Variants in SH3D19 observed in about 807,000 individuals in gnomAD.
The protein encoded by SH3D19 is SH3 domain containing 19.
A neutral mutation model predicts 112.1 loss-of-function variants in SH3D19; 58 were observed. That is an observed-to-expected ratio of 0.52 (90% confidence interval 0.42 to 0.64). SH3D19 has a LOEUF of 0.64. SH3D19 is among the 30% of genes least tolerant of loss of function. The pLI is 0.00. For synonymous variants in SH3D19, 391 were observed against 448.5 expected (o/e 0.87, Z 1.62); for missense variants, 1,090 against 1,263.4 (o/e 0.86, Z 2.08).
intron 1 of SH3D19, among the ~76,000 whole-genome samples, chr4:151,293,306 T>TA (rs1775480492): frequency 6.8e-6 from 1 of 146,366 alleles, no homozygotes. Context: ...CCGTCTCTAC[T>TA]AAAAATACAA....
chr4:151,302,192 G>C (rs555588631), intron 1 of SH3D19, among the ~76,000 whole-genome samples: 1 of 152,272 alleles, frequency 6.6e-6, no homozygotes, highest in South Asian at 2.1e-4. Context: ...TACATGCTTT[G>C]CTATCTTTTT....
chr4:151,198,399 CATATATT>C (rs1290102350), intron 2 of SH3D19, among the ~76,000 whole-genome samples: 8 of 132,560 alleles, frequency 6.0e-5, no homozygotes, highest in African/African-American at 1.7e-4. Context: ...TAATATATAT[CATATATT>C]ATATATTATA....
At chr4:151,230,593 G>A (rs1769532758) in intron 1 of SH3D19, among the ~76,000 whole-genome samples, 1 of 150,526 alleles carries the variant, frequency 6.6e-6, no homozygotes, top group Non-Finnish European at 1.5e-5. Context: ...GGTTTAAAGT[G>A]AGTCTTTTTT....
At chr4:151,147,212 A>C (rs1261718742) in intron 11 of SH3D19, among the ~76,000 whole-genome samples, 1 of 152,228 alleles carries the variant, frequency 6.6e-6, no homozygotes, top group Non-Finnish European at 1.5e-5. Flanking sequence ...GCAGCAGTGC[A>C]CTATGATTGC....
chr4:151,265,335 T>C (rs1432022770), intron 1 of SH3D19, among the ~76,000 whole-genome samples: 1 of 148,786 alleles, frequency 6.7e-6, no homozygotes, highest in African/African-American at 2.5e-5. Flanking sequence ...TCACTACACA[T>C]GTGGGATGCT....
At chr4:151,212,552 G>T (rs1328753782) in intron 2 of SH3D19, among the ~76,000 whole-genome samples, 1 of 152,204 alleles carries the variant, frequency 6.6e-6, no homozygotes, top group Non-Finnish European at 1.5e-5. Flanking sequence ...TTACAGCATG[G>T]TTTACTAAAT....
chr4:151,206,919 G>A (rs1200452621), intron 2 of SH3D19, among the ~76,000 whole-genome samples: 2 of 152,032 alleles, frequency 1.3e-5, no homozygotes, highest in Non-Finnish European at 2.9e-5. Flanking sequence ...TCATTCACTG[G>A]CATACCTGGC....
At chr4:151,170,346 C>T (rs1025025524) in intron 7 of SH3D19, among the ~76,000 whole-genome samples, 9 of 152,064 alleles carry the variant, frequency 5.9e-5, no homozygotes, top group Admixed American at 2.0e-4. Context: ...CTCTGCCAAA[C>T]AAACCAGAAC....
chr4:151,255,181 C>T (rs1204924330), intron 1 of SH3D19, among the ~76,000 whole-genome samples: 1 of 151,684 alleles, frequency 6.6e-6, no homozygotes, highest in East Asian at 2.0e-4. Context: ...ACGCTCCTCA[C>T]TTCCCAGATG....
At chr4:151,252,603 TTTAA>T (rs1771504702) in intron 1 of SH3D19, among the ~76,000 whole-genome samples, 1 of 152,226 alleles carries the variant, frequency 6.6e-6, no homozygotes, top group Non-Finnish European at 1.5e-5. Flanking sequence ...ATCTCATGGC[TTTAA>T]ATACTATGAC....
intron 11 of SH3D19, among the ~76,000 whole-genome samples, chr4:151,146,000 G>GTATTAA (rs1753854993): frequency 6.6e-6 from 1 of 152,278 alleles, no homozygotes; most frequent in African/African-American, 2.4e-5. Flanking sequence ...ATCAACTACT[G>GTATTAA]TTATTTATTA....
chr4:151,142,969 G>A (rs758794367), intron 12 of SH3D19, among the ~76,000 whole-genome samples: 1 of 152,168 alleles, frequency 6.6e-6, no homozygotes, highest in South Asian at 2.1e-4. Flanking sequence ...TGGGCATGGT[G>A]ACCCATACCT....
At chr4:151,288,392 C>A (rs1306982300) in intron 1 of SH3D19, among the ~76,000 whole-genome samples, 2 of 152,054 alleles carry the variant, frequency 1.3e-5, no homozygotes, top group Non-Finnish European at 2.9e-5. Context: ...ATGCCACCCC[C>A]AAAAAATTAG....
At chr4:151,187,235 G>T (rs2149850274) in intron 3 of SH3D19, among the ~76,000 whole-genome samples, 188 bp downstream of exon 3, 1 of 152,150 alleles carries the variant, frequency 6.6e-6, no homozygotes, top group African/African-American at 2.4e-5. Context: ...ACACAGTTCT[G>T]AGAAACCGGC....
At chr4:151,224,382 A>G (rs528765941) in intron 2 of SH3D19, among the ~76,000 whole-genome samples, 2 of 152,298 alleles carry the variant, frequency 1.3e-5, no homozygotes, top group African/African-American at 2.4e-5. Flanking sequence ...GTGTAATCAA[A>G]TCGGTGCAGA....
intron 2 of SH3D19, among the ~76,000 whole-genome samples, chr4:151,210,934 G>A (rs534072905): frequency 6.6e-6 from 1 of 152,050 alleles, no homozygotes; most frequent in East Asian, 1.9e-4. Flanking sequence ...CTGGAGTATA[G>A]ATCATAGTTT....
intron 9 of SH3D19, among the ~76,000 whole-genome samples, chr4:151,157,941 G>T (rs924489205): frequency 2.0e-5 from 3 of 152,178 alleles, no homozygotes; most frequent in Admixed American, 2.0e-4. Flanking sequence ...GCTGGGAAGG[G>T]TAGAAAGAAG....
At chr4:151,321,745 TG>T (rs1377806421) in intron 1 of SH3D19, among the ~76,000 whole-genome samples, 1 of 152,234 alleles carries the variant, frequency 6.6e-6, no homozygotes, top group Non-Finnish European at 1.5e-5. Flanking sequence ...AAATGTTATC[TG>T]GGAATGTGTC....
At chr4:151,246,370 C>T (rs1245999286) in intron 1 of SH3D19, among the ~76,000 whole-genome samples, 1 of 152,136 alleles carries the variant, frequency 6.6e-6, no homozygotes, top group African/African-American at 2.4e-5. Flanking sequence ...ATCAAATTAC[C>T]TAGCATTTTC....
Sources: gnomAD v4.1 joint callset for allele counts (sites outside exome capture counted in the v4.1 genomes callset) on GRCh38, gnomAD v4.1.1 for gene constraint, MANE v1.5 for transcripts, NCBI Gene and HGNC (gene_info 2026-07-23, HGNC 2026-07-21) for gene names.